TENT5A: variants seen among roughly 807,000 people sequenced by gnomAD.
TENT5A encodes terminal nucleotidyltransferase 5A, also known as HBV X-transactivated gene 11 protein.
In TENT5A, 9 loss-of-function variants were observed where a neutral mutation model predicts 30.2. The observed-to-expected ratio is 0.30, with a 90% CI of 0.18 to 0.52. The LOEUF (loss-of-function observed/expected upper bound fraction) is 0.52. Among genes scored for constraint, TENT5A ranks in the 20% least tolerant of loss-of-function variants. The pLI is 0.97. For synonymous variants in TENT5A, 264 were observed against 234.2 expected (o/e 1.13, Z -1.16); for missense variants, 411 against 566.1 (o/e 0.73, Z 2.78).
chr6:81,752,099 G>A lies in TENT5A; in HGVS notation c.43C>T (p.Leu15=), dbSNP rs1473081578. The A allele has an allele frequency of 6.7e-6, 10 of 1,490,572 alleles. No homozygotes were observed. The highest frequency in any genetic ancestry group is 8.9e-6 in the Non-Finnish European group (10 of 1,118,352). 92.3% of individuals were successfully genotyped at this position (1,490,572 alleles called of 1,614,324 possible). A position where few individuals can be genotyped will look rare whatever the true frequency, so the allele number is the denominator to read the frequency against. ...EGYFAMSEDE[L]ACSPYIPLGG... Reference sequence around the variant, plus strand: ...AGGGGGATGTAGGGGCTGCAGGCCAGCTCGTCCTCAGACATGGCGAAGTAC... The same window carrying A: ...AGGGGGATGTAGGGGCTGCAGGCCAACTCGTCCTCAGACATGGCGAAGTAC... The change falls in exon 2 of 3, where the codon CTG becomes TTG. Residue 15 remains leucine, a synonymous_variant. Coordinates refer to ENST00000320172, the MANE Select transcript of TENT5A (RefSeq NM_017633.3).
Position 81,750,271 on chromosome 6 carries a change from C to T in TENT5A, c.753G>A (p.Met251Ile), listed in dbSNP as rs1369557959. 1 of 1,613,970 alleles carries T rather than the reference C, an allele frequency of 6.2e-7. No homozygotes were observed. The highest frequency in any genetic ancestry group is 1.3e-5 in the African/African-American group (1 of 74,908). The change falls in exon 3 of 3, where the codon ATG becomes ATA. Residue 251 changes from methionine (M) to isoleucine (I), a missense_variant. Coordinates refer to ENST00000320172, the MANE Select transcript of TENT5A (RefSeq NM_017633.3). This position sits in a 1 kb window ranked among gnomAD's most constrained non-coding sequence, Gnocchi z 4.2. ...LLFYECSENP[M>I]TETFHPTIIG... The stretch of plus-strand genomic sequence containing the variant: ...TTATTGTGGGGTGAAATGTCTCAGT[C>T]ATTGGGTTCTCTGAACATTCATAAA...
At position 81,751,106 on chromosome 6, in the gene TENT5A, A is replaced by G. The variant is rs146571120; in HGVS notation, c.552+484T>C. ...ATGAACCAGCACGAAGAACCACCAG[A>G]TAGACCTTTAACACGTAGTCAGCTG... On this transcript the variant is annotated intron_variant, in intron 2 of 2. Coordinates refer to ENST00000320172, the MANE Select transcript of TENT5A (RefSeq NM_017633.3). Among the ~76,000 whole-genome samples, 313 of 152,320 alleles carry G rather than the reference A, an allele frequency of 2.1e-3. 2 individuals carry two copies. The highest frequency in any genetic ancestry group is 7.1e-3 in the African/African-American group (295 of 41,558).
In TENT5A at chr6:81,750,152, C is replaced by T; in HGVS notation, c.872G>A (p.Gly291Glu). The change falls in exon 3 of 3, where the codon GGA becomes GAA. Residue 291 changes from glycine (G) to glutamate (E), a missense_variant. Physicochemically the swap from Gly to Glu is moderately conservative, Grantham distance 98. Transcript: ENST00000320172. This position sits in a 1 kb window ranked among gnomAD's most constrained non-coding sequence, Gnocchi z 4.2. Reference protein sequence around the residue: ...ATRNPEEIRGGGLLKYCNLLV... With the variant: ...ATRNPEEIRGEGLLKYCNLLV... ...GAGGTTGCAGTACTTAAGCAGGCCT[C>T]CCCCTCGGATTTCCTCTGGGTTCCT... is the stretch of plus-strand genomic sequence containing the variant. The T allele has an allele frequency of 6.2e-7, 1 of 1,613,860 alleles. No individual in the cohort carries two copies. The highest frequency in any genetic ancestry group is 8.5e-7 in the Non-Finnish European group (1 of 1,179,880).
Position 81,748,418 on chromosome 6 carries a change from A to G in TENT5A, c.*1277T>C. ...AAAAAAAGAAAAAAAAATCCCACTA[A>G]AACAGTATAATTTCTGCTCTTCCTA... is the stretch of plus-strand genomic sequence containing the variant. On this transcript the variant is annotated 3_prime_UTR_variant, in exon 3 of 3. Transcript: ENST00000320172. 2.0e-6 allele frequency: 2 copies of G among 982,696 alleles called. No homozygotes were observed. Among genetic ancestry groups the G allele is most frequent in the Non-Finnish European group, 1.2e-6 (1 of 827,798 alleles). 60.9% of individuals were successfully genotyped at this position (982,696 alleles called of 1,614,324 possible).
chr6:81,745,852 C>A lies in TENT5A; in HGVS notation c.*3843G>T, dbSNP rs1047461933. ...CATGTCAGTTTTTTAGTCCATTTTC[C>A]ATCAACTCCTTTTCTGCCTGTGACG... On this transcript the variant is annotated 3_prime_UTR_variant, in exon 3 of 3. Coordinates refer to ENST00000320172, the MANE Select transcript of TENT5A (RefSeq NM_017633.3). 1.0e-6 allele frequency: 1 copy of A among 985,662 alleles called. No individual in the cohort carries two copies. The highest frequency in any genetic ancestry group is 1.1e-4 in the East Asian group (1 of 8,820). 61.1% of individuals were successfully genotyped at this position (985,662 alleles called of 1,614,324 possible).
chr6:81,747,231 GTT>G lies in TENT5A; in HGVS notation c.*2462_*2463del, dbSNP rs1166784290. On this transcript the variant is annotated 3_prime_UTR_variant, in exon 3 of 3. Transcript: ENST00000320172. ...TCCTGTGTTCACAAGTGCTCCCCTA[GTT>G]TTCTTTCAGAAAACTTTGAAACAAC... 1 of 985,410 alleles carries G rather than the reference GTT, an allele frequency of 1.0e-6. No individual in the cohort carries two copies. Among genetic ancestry groups the G allele is most frequent in the African/African-American group, 1.7e-5 (1 of 57,224 alleles). 61.0% of individuals were successfully genotyped at this position (985,410 alleles called of 1,614,324 possible). A position where few individuals can be genotyped will look rare whatever the true frequency, so the allele number is the denominator to read the frequency against.
Position 81,748,589 on chromosome 6 carries a change from T to C in TENT5A, c.*1106A>G, listed in dbSNP as rs1360268799. 1.0e-6 allele frequency: 1 copy of C among 976,012 alleles called. No homozygotes were observed. The highest frequency in any genetic ancestry group is 1.2e-6 in the Non-Finnish European group (1 of 821,654). The allele number at this position is 976,012 out of a possible 1,614,324, so 60.5% of individuals were successfully genotyped here. A position where few individuals can be genotyped will look rare whatever the true frequency, so the allele number is the denominator to read the frequency against. On this transcript the variant is annotated 3_prime_UTR_variant, in exon 3 of 3. Coordinates refer to ENST00000320172, the MANE Select transcript of TENT5A (RefSeq NM_017633.3). The stretch of plus-strand genomic sequence containing the variant: ...AAACATTTCCTATTTGAGACATTAT[T>C]CTAGATCATAGTCAATCTACTGTGT...
chr6:81,751,346 G>C (rs918763685), intron 2 of TENT5A, among the ~76,000 whole-genome samples: 1 of 152,188 alleles, frequency 6.6e-6, no homozygotes, highest in Admixed American at 6.5e-5. Context: ...AAGAAGAGAA[G>C]AGAGGGCAGA....
rs1423465973 is a variant in TENT5A at position 81,746,164 on chromosome 6, T to G, written c.*3531A>C. On this transcript the variant is annotated 3_prime_UTR_variant, in exon 3 of 3. Coordinates refer to ENST00000320172, the MANE Select transcript of TENT5A (RefSeq NM_017633.3). ...GCTAAAAGAAATTTTAAAGAAAGAT[T>G]ATATTCAAATAGATGCTATATATGA... 2 of 1,006,424 alleles carry G rather than the reference T, an allele frequency of 2.0e-6. No homozygotes were observed. Among genetic ancestry groups the G allele is most frequent in the African/African-American group, 3.4e-5 (2 of 58,434 alleles). The allele number at this position is 1,006,424 out of a possible 1,614,324, so 62.3% of individuals were successfully genotyped here. A position where few individuals can be genotyped will look rare whatever the true frequency, so the allele number is the denominator to read the frequency against.
rs557161869 is a variant in TENT5A at position 81,747,416 on chromosome 6, G to C, written c.*2279C>G. ...AGTAGGAGGAGTTCCTTAGAAAACTGAGTGGCAGTGCAGCGGCTGTTGCAG... is the reference window on the plus strand; with the variant it reads ...AGTAGGAGGAGTTCCTTAGAAAACTCAGTGGCAGTGCAGCGGCTGTTGCAG... On this transcript the variant is annotated 3_prime_UTR_variant, in exon 3 of 3. Coordinates refer to ENST00000320172, the MANE Select transcript of TENT5A (RefSeq NM_017633.3). The C allele has an allele frequency of 1.0e-6, 1 of 985,848 alleles. No individual in the cohort carries two copies. The highest frequency in any genetic ancestry group is 1.1e-4 in the East Asian group (1 of 8,812). 61.1% of individuals were successfully genotyped at this position (985,848 alleles called of 1,614,324 possible). A position where few individuals can be genotyped will look rare whatever the true frequency, so the allele number is the denominator to read the frequency against.
At position 81,748,115 on chromosome 6, in the gene TENT5A, A is replaced by G. The variant is rs1014870989; in HGVS notation, c.*1580T>C. ...GTAAAAAGGGTCATTTCACATTACT[A>G]AATTCTAGTGGTCCAGAAATGCAGA... is the stretch of plus-strand genomic sequence containing the variant. On this transcript the variant is annotated 3_prime_UTR_variant, in exon 3 of 3. Transcript: ENST00000320172. The G allele has an allele frequency of 2.0e-6, 2 of 985,088 alleles. No homozygotes were observed. Among genetic ancestry groups the G allele is most frequent in the African/African-American group, 3.5e-5 (2 of 57,186 alleles). The allele number at this position is 985,088 out of a possible 1,614,324, so 61.0% of individuals were successfully genotyped here.
Position 81,748,780 on chromosome 6 carries a change from T to C in TENT5A, c.*915A>G, listed in dbSNP as rs1433747409. ...ATTTTCTCCACCATTCACAAGCTTATGTTATTTTCTTCTTGAGGCAGTCCC... is the reference window on the plus strand; with the variant it reads ...ATTTTCTCCACCATTCACAAGCTTACGTTATTTTCTTCTTGAGGCAGTCCC... On this transcript the variant is annotated 3_prime_UTR_variant, in exon 3 of 3. Transcript: ENST00000320172. 1 of 985,688 alleles carries C rather than the reference T, an allele frequency of 1.0e-6. No individual in the cohort carries two copies. The highest frequency in any genetic ancestry group is 1.2e-6 in the Non-Finnish European group (1 of 829,768). The allele number at this position is 985,688 out of a possible 1,614,324, so 61.1% of individuals were successfully genotyped here.
chr6:81,751,419 T>C (rs1473694698), intron 2 of TENT5A, among the ~76,000 whole-genome samples, 171 bp downstream of exon 2: 1 of 152,086 alleles, frequency 6.6e-6, no homozygotes, highest in African/African-American at 2.4e-5. Flanking sequence ...CTCAACACCG[T>C]CCACGCACGT....
In TENT5A at chr6:81,746,178, T is replaced by C. The variant is rs891410047; in HGVS notation, c.*3517A>G. 14 of 1,027,330 alleles carry C rather than the reference T, an allele frequency of 1.4e-5. No individual in the cohort carries two copies. In the South Asian group the frequency reaches 6.0e-4, roughly 44 times the overall value. 63.6% of individuals were successfully genotyped at this position (1,027,330 alleles called of 1,614,324 possible). On this transcript the variant is annotated 3_prime_UTR_variant, in exon 3 of 3. Coordinates refer to ENST00000320172, the MANE Select transcript of TENT5A (RefSeq NM_017633.3). ...TAAAGAAAGATTATATTCAAATAGA[T>C]GCTATATATGAAATTACTTTTTTTG...
At position 81,748,558 on chromosome 6, in the gene TENT5A, GTATT is replaced by G. The variant is rs1451316406; in HGVS notation, c.*1133_*1136del. On this transcript the variant is annotated 3_prime_UTR_variant, in exon 3 of 3. Transcript: ENST00000320172. ...CCTGTTGAAAACATAAAAACACACA[GTATT>G]TAAACATTTCCTATTTGAGACATTA... 34 of 981,424 alleles carry G rather than the reference GTATT, an allele frequency of 3.5e-5. No homozygotes were observed. In the African/African-American group the frequency reaches 5.8e-4, roughly 17 times the overall value. The allele number at this position is 981,424 out of a possible 1,614,324, so 60.8% of individuals were successfully genotyped here.
At position 81,747,580 on chromosome 6, in the gene TENT5A, TAAAC is replaced by T. The variant is rs1416795876; in HGVS notation, c.*2111_*2114del. 14 of 985,490 alleles carry T rather than the reference TAAAC, an allele frequency of 1.4e-5. No homozygotes were observed. The highest frequency in any genetic ancestry group is 9.4e-5 in the South Asian group (2 of 21,284). 61.0% of individuals were successfully genotyped at this position (985,490 alleles called of 1,614,324 possible). A position where few individuals can be genotyped will look rare whatever the true frequency, so the allele number is the denominator to read the frequency against. On this transcript the variant is annotated 3_prime_UTR_variant, in exon 3 of 3. Transcript: ENST00000320172. ...CACTAAGCATCTGAGGATCCCTAGA[TAAAC>T]AAACAAACAAATTATACTGCCAACA...
Position 81,747,933 on chromosome 6 carries a change from G to C in TENT5A, c.*1762C>G. 4 of 984,946 alleles carry C rather than the reference G, an allele frequency of 4.1e-6. No homozygotes were observed. Among genetic ancestry groups the C allele is most frequent in the Non-Finnish European group, 4.8e-6 (4 of 829,180 alleles). 61.0% of individuals were successfully genotyped at this position (984,946 alleles called of 1,614,324 possible). On this transcript the variant is annotated 3_prime_UTR_variant, in exon 3 of 3. Coordinates refer to ENST00000320172, the MANE Select transcript of TENT5A (RefSeq NM_017633.3). ...TTTTGTAAGAAAGAAAATAAAGTTG[G>C]ATTTGATTTAATGGAAAGCGATTTA...
chr6:81,752,627 C>T lies in TENT5A; in HGVS notation c.-234G>A. 2 of 723,734 alleles carry T rather than the reference C, an allele frequency of 2.8e-6. No individual in the cohort carries two copies. The highest frequency in any genetic ancestry group is 3.0e-5 in the South Asian group (2 of 67,704). 44.8% of individuals were successfully genotyped at this position (723,734 alleles called of 1,614,324 possible). Reference sequence around the variant, plus strand: ...CCACCCCAGCTGCGGTGGTCCCGAACTGGCGGCTCTTGCTGCCACACACGC... The same window carrying T: ...CCACCCCAGCTGCGGTGGTCCCGAATTGGCGGCTCTTGCTGCCACACACGC... On this transcript the variant is annotated 5_prime_UTR_variant, in exon 1 of 3. Transcript: ENST00000320172.
In TENT5A at chr6:81,746,453, C is replaced by T; in HGVS notation, c.*3242G>A. 8.1e-7 allele frequency: 1 copy of T among 1,231,928 alleles called. No homozygotes were observed. The highest frequency in any genetic ancestry group is 4.2e-5 in the Admixed American group (1 of 23,714). The allele number at this position is 1,231,928 out of a possible 1,614,324, so 76.3% of individuals were successfully genotyped here. A position where few individuals can be genotyped will look rare whatever the true frequency, so the allele number is the denominator to read the frequency against. ...GTTTGGATTACACATATTCTTCCATCCTTGCATTTTTGGAGCTACATTATT... is the reference window on the plus strand; with the variant it reads ...GTTTGGATTACACATATTCTTCCATTCTTGCATTTTTGGAGCTACATTATT... On this transcript the variant is annotated 3_prime_UTR_variant, in exon 3 of 3. Coordinates refer to ENST00000320172, the MANE Select transcript of TENT5A (RefSeq NM_017633.3).
Sources: gnomAD v4.1 joint callset for allele counts (sites outside exome capture counted in the v4.1 genomes callset) on GRCh38, gnomAD v4.1.1 for gene constraint, Gnocchi (gnomAD v3.1) non-coding constraint, MANE v1.5 for transcripts, NCBI Gene and HGNC (gene_info 2026-07-23, HGNC 2026-07-21) for gene names.